Variants in PTGDR2 observed in about 807,000 individuals in gnomAD.
The protein encoded by PTGDR2 is prostaglandin D2 receptor 2, also known as G-protein coupled receptor 44.
For missense variants in PTGDR2, 544 were observed against 576.6 expected (o/e 0.94, Z 0.58); for synonymous variants, 276 against 278.4 (o/e 0.99, Z 0.09).
At position 60,853,332 on chromosome 11, in the gene PTGDR2, G is replaced by A. The variant is rs763139203; in HGVS notation, c.391C>T (p.Leu131=). The part of the protein sequence containing the change: ...LLSAISLDRC[L]QVVRPVWAQN... ...GCCCACACCGGCCGCACCACCTGCA[G>A]GCAGCGGTCCAGGCTGATGGCGCTG... Residue 131 remains leucine (L), a synonymous_variant, in exon 2 of 2, where the codon CTG becomes TTG. Coordinates refer to ENST00000332539, the MANE Select transcript of PTGDR2 (RefSeq NM_004778.3). 6.2e-7 allele frequency: 1 copy of A among 1,610,300 alleles called. No homozygotes were observed. Among genetic ancestry groups the A allele is most frequent in the Admixed American group, 1.7e-5 (1 of 59,674 alleles).
Position 60,853,476 on chromosome 11 carries a change from A to G in PTGDR2, c.247T>C (p.Ser83Pro). The G allele has an allele frequency of 6.4e-7, 1 of 1,566,018 alleles. No homozygotes were observed. Among genetic ancestry groups the G allele is most frequent in the Non-Finnish European group, 8.7e-7 (1 of 1,154,880 alleles). Residue 83 changes from serine to proline, a missense_variant, in exon 2 of 2, where the codon TCC becomes CCC. By Grantham distance (74) the Ser-to-Pro change is moderately conservative. Transcript: ENST00000332539. ...AAGAAGTAGGTGAAGAAGGGCAGGG[A>G]AGCAGAGGCCAACAGGTCGGACAGC... is the stretch of plus-strand genomic sequence containing the variant. ...LALSDLLASA[S>P]LPFFTYFLAV...
chr11:60,852,675 A>G lies in PTGDR2; in HGVS notation c.1048T>C (p.Ser350Pro). Reference protein sequence around the residue: ...RRRRTSSTARSASPLALCSRP... With the variant: ...RRRRTSSTARPASPLALCSRP... ...CTGCAGAGAGCTAAAGGGGAGGCCG[A>G]GCGGGCGGTGGAGGAGGTGCGGCGG... Residue 350 changes from serine to proline, a missense_variant, in exon 2 of 2, where the codon TCG (serine) becomes CCG (proline). Physicochemically the swap from Ser to Pro is moderately conservative, Grantham distance 74. Transcript: ENST00000332539. 7.1e-7 allele frequency: 1 copy of G among 1,403,664 alleles called. No homozygotes were observed. Among genetic ancestry groups the G allele is most frequent in the Non-Finnish European group, 9.3e-7 (1 of 1,071,364 alleles). 87.0% of individuals were successfully genotyped at this position (1,403,664 alleles called of 1,614,324 possible). A position where few individuals can be genotyped will look rare whatever the true frequency, so the allele number is the denominator to read the frequency against.
Position 60,853,005 on chromosome 11 carries a change from G to A in PTGDR2, c.718C>T (p.Arg240Trp), listed in dbSNP as rs1434343794. 3 of 1,443,996 alleles carry A rather than the reference G, an allele frequency of 2.1e-6. No individual in the cohort carries two copies. The highest frequency in any genetic ancestry group is 1.5e-5 in the South Asian group (1 of 68,824). The allele number at this position is 1,443,996 out of a possible 1,614,324, so 89.4% of individuals were successfully genotyped here. A position where few individuals can be genotyped will look rare whatever the true frequency, so the allele number is the denominator to read the frequency against. ...ACCAGGCGCACGAAGCGGCCTGGCC[G>A]CCGGCGGCCGCGGTGCTGCAACCGC... is the stretch of plus-strand genomic sequence containing the variant. ...SLRLQHRGRRRPGRFVRLVAA... is the reference protein window; with the variant it reads ...SLRLQHRGRRWPGRFVRLVAA... Residue 240 changes from arginine (R) to tryptophan (W), a missense_variant, in exon 2 of 2, where the codon CGG (arginine) becomes TGG (tryptophan). Physicochemically the swap from Arg to Trp is moderately radical, Grantham distance 101. Transcript: ENST00000332539.
At chr11:60,853,965 G>A (rs1319413688) in intron 1 of PTGDR2, among the ~76,000 whole-genome samples, 1 of 152,232 alleles carries the variant, frequency 6.6e-6, no homozygotes, top group East Asian at 1.9e-4. Context: ...ACATCACCTA[G>A]CTCATAGAGT....
At position 60,855,712 on chromosome 11, in the gene PTGDR2, T is replaced by TC. The variant is rs1184874865; in HGVS notation, c.-10+156dup. Among the ~76,000 whole-genome samples the TC allele has an allele frequency of 2.6e-5, 4 of 152,146 alleles. No individual in the cohort carries two copies. In the East Asian group the frequency reaches 7.7e-4, roughly 29 times the overall value. On this transcript the variant is annotated intron_variant, in intron 1 of 1. Coordinates refer to ENST00000332539, the MANE Select transcript of PTGDR2 (RefSeq NM_004778.3). ...TTAATGCCTAAGAGAAGCTAATCCTTCCCTCCTCTGAGCACCAAGTCCCCT... is the reference window on the plus strand; with the variant it reads ...TTAATGCCTAAGAGAAGCTAATCCTTCCCCTCCTCTGAGCACCAAGTCCCCT...
chr11:60,854,475 G>A (rs193296456), intron 1 of PTGDR2, among the ~76,000 whole-genome samples: 56 of 152,318 alleles, frequency 3.7e-4, no homozygotes, highest in East Asian at 1.4e-3. Flanking sequence ...AGCTCTCTCC[G>A]CCCCAGGAAA....
intron 1 of PTGDR2, among the ~76,000 whole-genome samples, chr11:60,854,315 G>C (rs530342186): frequency 2.0e-5 from 3 of 152,176 alleles, no homozygotes; most frequent in Non-Finnish European, 4.4e-5. Context: ...TAGATGTGCC[G>C]ACCATAAACA....
rs868760358 is a variant in PTGDR2 at position 60,853,448 on chromosome 11, G to T, written c.275C>A (p.Ala92Asp). The change falls in exon 2 of 2, where the codon GCC becomes GAC. Residue 92 changes from alanine (A) to aspartate (D), a missense_variant. Physicochemically the swap from Ala to Asp is moderately radical, Grantham distance 126. Coordinates refer to ENST00000332539, the MANE Select transcript of PTGDR2 (RefSeq NM_004778.3). ...ASLPFFTYFLAVGHSWELGTT... is the reference protein window; with the variant it reads ...ASLPFFTYFLDVGHSWELGTT... The stretch of plus-strand genomic sequence containing the variant: ...GCCCAGCTCCCACGAGTGGCCCACG[G>T]CCAAGAAGTAGGTGAAGAAGGGCAG... The T allele has an allele frequency of 6.4e-7, 1 of 1,570,418 alleles. No individual in the cohort carries two copies. The highest frequency in any genetic ancestry group is 8.6e-7 in the Non-Finnish European group (1 of 1,157,438).
In PTGDR2 at chr11:60,852,865, C is replaced by A. The variant is rs1375979636; in HGVS notation, c.858G>T (p.Leu286=). The A allele has an allele frequency of 1.9e-6, 3 of 1,545,386 alleles. No individual in the cohort carries two copies. The highest frequency in any genetic ancestry group is 2.6e-6 in the Non-Finnish European group (3 of 1,145,386). Residue 286 remains leucine (L), a synonymous_variant, in exon 2 of 2, where the codon CTG becomes CTT. Transcript: ENST00000332539. Reference sequence around the variant, plus strand: ...AGAAGGCCAGGCTGGTGACGAAGGGCAGCCCGCGCCACACGAGCGGCCGCA... The same window carrying A: ...AGAAGGCCAGGCTGGTGACGAAGGGAAGCCCGCGCCACACGAGCGGCCGCA... The part of the protein sequence containing the change: ...PGLRPLVWRG[L]PFVTSLAFFN...
Position 60,853,689 on chromosome 11 carries a change from G to A in PTGDR2, c.34C>T (p.Pro12Ser). 2 of 1,553,186 alleles carry A rather than the reference G, an allele frequency of 1.3e-6. No individual in the cohort carries two copies. Among genetic ancestry groups the A allele is most frequent in the Non-Finnish European group, 1.7e-6 (2 of 1,149,056 alleles). Reference protein sequence around the residue: ...SANATLKPLCPILEQMSRLQS... With the variant: ...SANATLKPLCSILEQMSRLQS... ...AGACGGCTCATCTGCTCCAGGATGG[G>A]GCAGAGTGGCTTCAGTGTGGCGTTG... The change falls in exon 2 of 2, where the codon CCC (proline) becomes TCC (serine). Residue 12 changes from proline (P) to serine (S), a missense_variant. Coordinates refer to ENST00000332539, the MANE Select transcript of PTGDR2 (RefSeq NM_004778.3).
Position 60,852,685 on chromosome 11 carries a change from G to A in PTGDR2, c.1038C>T (p.Ser346=), listed in dbSNP as rs746291811. ...AGSSRRRRTS[S]TARSASPLAL... ...CTAAAGGGGAGGCCGAGCGGGCGGT[G>A]GAGGAGGTGCGGCGGCGGCGGCTGC... Residue 346 remains serine (S), a synonymous_variant, in exon 2 of 2, where the codon TCC becomes TCT. Coordinates refer to ENST00000332539, the MANE Select transcript of PTGDR2 (RefSeq NM_004778.3). 3.3e-5 allele frequency: 47 copies of A among 1,426,096 alleles called. No homozygotes were observed. In the South Asian group the frequency reaches 6.4e-4, roughly 19 times the overall value. The allele number at this position is 1,426,096 out of a possible 1,614,324, so 88.3% of individuals were successfully genotyped here. A position where few individuals can be genotyped will look rare whatever the true frequency, so the allele number is the denominator to read the frequency against.
chr11:60,853,623 C>T lies in PTGDR2; in HGVS notation c.100G>A (p.Ala34Thr). Reference protein sequence around the residue: ...SNTSIRYIDHAAVLLHGLASL... With the variant: ...SNTSIRYIDHTAVLLHGLASL... ...GCCAGCCCGTGCAGCAGCACGGCCG[C>T]GTGGTCGATGTAGCGGATGCTGGTG... is the stretch of plus-strand genomic sequence containing the variant. The change falls in exon 2 of 2, where the codon GCG (alanine) becomes ACG (threonine). Residue 34 changes from alanine (A) to threonine (T), a missense_variant. Transcript: ENST00000332539. The T allele has an allele frequency of 6.4e-7, 1 of 1,557,098 alleles. No individual in the cohort carries two copies. The highest frequency in any genetic ancestry group is 8.7e-7 in the Non-Finnish European group (1 of 1,149,954).
rs767482307 is a variant in PTGDR2 at position 60,853,519 on chromosome 11, G to A, written c.204C>T (p.Thr68=). The A allele has an allele frequency of 6.4e-7, 1 of 1,558,608 alleles. No individual in the cohort carries two copies. Residue 68 remains threonine, a synonymous_variant, in exon 2 of 2, where the codon ACC becomes ACT. Coordinates refer to ENST00000332539, the MANE Select transcript of PTGDR2 (RefSeq NM_004778.3). ...CGGACAGCGCCAGGTGCAGCACCCA[G>A]GTGGTGACCACGGTCTGGCGCATGC... ...GCRMRQTVVT[T]WVLHLALSDL...
rs560069216 is a variant in PTGDR2, at chr11:60,853,188, G to T, written c.535C>A (p.Arg179Ser). 6 of 1,610,904 alleles carry T rather than the reference G, an allele frequency of 3.7e-6. No individual in the cohort carries two copies. In the South Asian group the frequency reaches 4.4e-5, roughly 12 times the overall value. The change falls in exon 2 of 2, where the codon CGC (arginine) becomes AGC (serine). Residue 179 changes from arginine to serine, a missense_variant. Coordinates refer to ENST00000332539, the MANE Select transcript of PTGDR2 (RefSeq NM_004778.3). ...AGCACATTGTAGTAGCACATAATGCGCCCGTCCAGCCGCGAGATGGTGTCC... is the reference window on the plus strand; with the variant it reads ...AGCACATTGTAGTAGCACATAATGCTCCCGTCCAGCCGCGAGATGGTGTCC... ...FRDTISRLDG[R>S]IMCYYNVLLL...
At position 60,851,383 on chromosome 11, in the gene PTGDR2, AC is replaced by A. The variant is rs1203576563; in HGVS notation, c.*1151del. ...CAGAGCTCAAACACAGCAGTCTCTG[AC>A]CCCAAGTCCACGGCAGGTGGAGGAA... On this transcript the variant is annotated 3_prime_UTR_variant, in exon 2 of 2. Transcript: ENST00000332539. 1 of 152,178 alleles carries A rather than the reference AC, an allele frequency of 6.6e-6. No homozygotes were observed. Among genetic ancestry groups the A allele is most frequent in the Admixed American group, 6.6e-5 (1 of 15,266 alleles). 9.4% of individuals were successfully genotyped at this position (152,178 alleles called of 1,614,324 possible).
In PTGDR2 at chr11:60,852,721, A is replaced by T. The variant is rs1565097851; in HGVS notation, c.1002T>A (p.Gly334=). 6.8e-7 allele frequency: 1 copy of T among 1,471,214 alleles called. No homozygotes were observed. Among genetic ancestry groups the T allele is most frequent in the Non-Finnish European group, 9.1e-7 (1 of 1,101,910 alleles). 91.1% of individuals were successfully genotyped at this position (1,471,214 alleles called of 1,614,324 possible). ...ESVLVDDSEL[G]GAGSSRRRRT... The stretch of plus-strand genomic sequence containing the variant: ...GGCGGCGGCGGCTGCTTCCCGCGCC[A>T]CCCAGCTCGCTGTCGTCCACCAGCA... Residue 334 remains glycine, a synonymous_variant, in exon 2 of 2, where the codon GGT becomes GGA. Coordinates refer to ENST00000332539, the MANE Select transcript of PTGDR2 (RefSeq NM_004778.3).
At position 60,852,596 on chromosome 11, in the gene PTGDR2, C is replaced by G. The variant is rs1855287062; in HGVS notation, c.1127G>C (p.Ser376Thr). 3.1e-6 allele frequency: 4 copies of G among 1,303,694 alleles called. No individual in the cohort carries two copies. The highest frequency in any genetic ancestry group is 9.7e-7 in the Non-Finnish European group (1 of 1,026,266). 80.8% of individuals were successfully genotyped at this position (1,303,694 alleles called of 1,614,324 possible). A position where few individuals can be genotyped will look rare whatever the true frequency, so the allele number is the denominator to read the frequency against. Residue 376 changes from serine to threonine, a missense_variant, in exon 2 of 2, where the codon AGC becomes ACC. By Grantham distance (58) the Ser-to-Thr change is moderately conservative. Transcript: ENST00000332539. ...PARLLGWLLG[S>T]CAASPQTGPL... ...GCCCGTCTGCGGGGACGCTGCGCAG[C>G]TGCCCAGCAGCCAGCCGAGGAGACG...
chr11:60,855,414 A>G (rs41359345), intron 1 of PTGDR2, among the ~76,000 whole-genome samples: 17,106 of 151,356 alleles, frequency 0.11, 1,023 homozygotes, highest in South Asian at 0.19. Context: ...CAGTCCTTCT[A>G]ACTCTATAGA....
rs1389792302 is a variant in PTGDR2, at chr11:60,852,211, C to T, written c.*324G>A. The T allele has an allele frequency of 1.3e-5, 4 of 314,836 alleles. No homozygotes were observed. The East Asian group carries it at 2.0e-4, about 16-fold the overall frequency. The allele number at this position is 314,836 out of a possible 1,614,324, so 19.5% of individuals were successfully genotyped here. On this transcript the variant is annotated 3_prime_UTR_variant, in exon 2 of 2. Transcript: ENST00000332539. ...AGTTTCACTTTGTGTTACTCCAGGC[C>T]TCGCCTGTGAACCTGCCGCACTGGC...
Sources: allele counts gnomAD v4.1 joint callset (sites outside exome capture counted in the v4.1 genomes callset), GRCh38; gene constraint gnomAD v4.1.1; transcripts MANE v1.5; gene names NCBI Gene and HGNC (gene_info 2026-07-23, HGNC 2026-07-21).